The following KIFAP3 variants were observed in gnomAD, a reference collection of about 807,000 sequenced individuals.
The protein encoded by KIFAP3 is kinesin-associated protein 3.
Under a neutral mutation model 106.5 loss-of-function variants are expected in KIFAP3, and 68 were observed. That is an observed-to-expected ratio of 0.64 (90% CI 0.53 to 0.78). KIFAP3 has a LOEUF of 0.78. Among genes scored for constraint, KIFAP3 ranks in the 30% least tolerant of loss-of-function variants. KIFAP3 has a pLI of 0.00. For missense variants in KIFAP3, 780 were observed against 941.8 expected, an observed-to-expected ratio of 0.83 and a Z score of 2.25; for synonymous variants, 320 against 311.5, an observed-to-expected ratio of 1.03 and a Z score of -0.29.
chr1:170,049,026 C>T (rs1418505675), intron 2 of KIFAP3, among the ~76,000 whole-genome samples: 1 of 152,232 alleles, frequency 6.6e-6, no homozygotes, highest in Non-Finnish European at 1.5e-5. Context: ...CAAGTGGTCT[C>T]ACTCAGTGAG....
intron 10 of KIFAP3, among the ~76,000 whole-genome samples, chr1:170,008,812 T>A (rs556983265): frequency 5.9e-5 from 9 of 152,272 alleles, no homozygotes; most frequent in African/African-American, 2.2e-4. Context: ...TAAAGACACA[T>A]GCACACATAT....
intron 19 of KIFAP3, among the ~76,000 whole-genome samples, chr1:169,953,180 T>G (rs1664817295): frequency 6.6e-6 from 1 of 152,124 alleles, no homozygotes; most frequent in South Asian, 2.1e-4. Context: ...AAAAATCTAT[T>G]ATATTATTAT....
chr1:169,923,700 T>C (rs1222663094), intron 19 of KIFAP3, among the ~76,000 whole-genome samples: 7 of 152,330 alleles, frequency 4.6e-5, no homozygotes, highest in Non-Finnish European at 2.9e-5. Flanking sequence ...TGAGGAAACA[T>C]GCAAAGGCAC....
chr1:169,952,939 T>A (rs1331830060), intron 19 of KIFAP3, among the ~76,000 whole-genome samples: 2 of 152,080 alleles, frequency 1.3e-5, no homozygotes, highest in Non-Finnish European at 2.9e-5. Context: ...AAAAAATACG[T>A]GAACATATCT....
At chr1:170,035,881 T>C (rs939352932) in intron 5 of KIFAP3, among the ~76,000 whole-genome samples, 2 of 152,014 alleles carry the variant, frequency 1.3e-5, no homozygotes, top group African/African-American at 4.8e-5. Flanking sequence ...AGAACTGTAA[T>C]CTTCCTACTT....
intron 17 of KIFAP3, among the ~76,000 whole-genome samples, chr1:169,964,143 A>G (rs1265939184): frequency 6.6e-6 from 1 of 152,200 alleles, no homozygotes; most frequent in Non-Finnish European, 1.5e-5. Context: ...CCACCCAATC[A>G]CTGATCACAC....
At chr1:169,950,401 C>T (rs1366315884) in intron 19 of KIFAP3, among the ~76,000 whole-genome samples, 1 of 152,092 alleles carries the variant, frequency 6.6e-6, no homozygotes, top group African/African-American at 2.4e-5. Context: ...AAGTATTACT[C>T]TTTCTCCAGA....
intron 8 of KIFAP3, among the ~76,000 whole-genome samples, chr1:170,025,535 T>C (rs1281622793): frequency 6.6e-6 from 1 of 152,104 alleles, no homozygotes; most frequent in Admixed American, 6.5e-5. Context: ...ATATTAGAGA[T>C]GGAAAGTTAA....
chr1:169,931,067 G>C (rs1454860338), intron 19 of KIFAP3, among the ~76,000 whole-genome samples: 1 of 151,630 alleles, frequency 6.6e-6, no homozygotes, highest in Non-Finnish European at 1.5e-5. Context: ...TTACAGGCCC[G>C]TGCCACAATG....
intron 1 of KIFAP3, among the ~76,000 whole-genome samples, chr1:170,063,920 A>C (rs974516010): frequency 6.6e-6 from 1 of 152,214 alleles, no homozygotes; most frequent in African/African-American, 2.4e-5. Flanking sequence ...TTTAAGATTT[A>C]ATTTTCTTTT....
In KIFAP3 at chr1:169,982,677, C is replaced by A. The variant is rs765145918; in HGVS notation, c.1672+25G>T. On this transcript the variant is annotated intron_variant, in intron 14 of 19. Transcript: ENST00000361580. ...AGAAAGAAATAACTTAGTGATTATA[C>A]AAAAGTGAAATACTTAGCACAAACC... 6 of 1,477,066 alleles carry A rather than the reference C, an allele frequency of 4.1e-6. No homozygotes were observed. In the Admixed American group the frequency reaches 1.2e-4, roughly 29 times the overall value. 91.5% of individuals were successfully genotyped at this position (1,477,066 alleles called of 1,614,324 possible).
chr1:170,067,557 CACGTTCCCACTGTTAAT>C (rs1189440170), intron 1 of KIFAP3: 7 of 152,268 alleles, frequency 4.6e-5, no homozygotes, highest in Non-Finnish European at 1.5e-5. Context: ...GATGGCAGCC[CACGTTCCCACTGTTAAT>C]ACTTGGTTCT....
Position 169,990,130 on chromosome 1 carries a change from G to A in KIFAP3, c.1284+2025C>T, listed in dbSNP as rs1667023761. On this transcript the variant is annotated intron_variant, in intron 11 of 19. Transcript: ENST00000361580. ...AGAGCGATTTACTCTTCTCCAATCA[G>A]TGCATATTTACAAGAAGCACAGAGT... 3 of 1,497,640 alleles carry A rather than the reference G, an allele frequency of 2.0e-6. No homozygotes were observed. The South Asian group carries it at 3.7e-5, about 19-fold the overall frequency. The allele number at this position is 1,497,640 out of a possible 1,614,324, so 92.8% of individuals were successfully genotyped here. A position where few individuals can be genotyped will look rare whatever the true frequency, so the allele number is the denominator to read the frequency against.
chr1:170,062,399 A>G (rs565883123), intron 1 of KIFAP3, among the ~76,000 whole-genome samples: 7 of 152,002 alleles, frequency 4.6e-5, no homozygotes, highest in Admixed American at 3.9e-4. Context: ...TTTAAAAAAA[A>G]CAGACCCAAA....
intron 9 of KIFAP3, among the ~76,000 whole-genome samples, chr1:170,019,605 T>TA (rs1410012958): frequency 2.0e-5 from 3 of 152,102 alleles, no homozygotes; most frequent in Admixed American, 6.5e-5. Flanking sequence ...ATCTCAGTAA[T>TA]AGATACAGGA....
intron 18 of KIFAP3, among the ~76,000 whole-genome samples, chr1:169,958,748 C>G (rs1444161740): frequency 1.3e-5 from 2 of 152,058 alleles, no homozygotes; most frequent in Admixed American, 6.6e-5. Flanking sequence ...AGCAATACGG[C>G]TTTATAAATG....
rs1348714676 is a variant in KIFAP3 at position 170,024,552 on chromosome 1, C to T, written c.886G>A (p.Glu296Lys). ...ATGTTCTTGTTCCTCATTTTCAGTT[C>T]GGTACGAGTATCCTCAGCAAGATTC... ...LLNLAEDTRTELKMRNKNIVH... is the reference protein window; with the variant it reads ...LLNLAEDTRTKLKMRNKNIVH... The change falls in exon 9 of 20, where the codon GAA becomes AAA. Residue 296 changes from glutamate to lysine, a missense_variant. This residue lies in a region of KIFAP3 where 588 missense variants were observed against 678.9 expected (regional missense o/e 0.87). Coordinates refer to ENST00000361580, the MANE Select transcript of KIFAP3 (RefSeq NM_014970.4). 1.9e-6 allele frequency: 3 copies of T among 1,598,944 alleles called. No homozygotes were observed. The highest frequency in any genetic ancestry group is 1.1e-5 in the South Asian group (1 of 88,206).
At chr1:169,999,432 C>T (rs1346101668) in intron 10 of KIFAP3, among the ~76,000 whole-genome samples, 1 of 152,272 alleles carries the variant, frequency 6.6e-6, no homozygotes, top group African/African-American at 2.4e-5. Context: ...AGGCTGCCAA[C>T]AGTCAGCATG....
At chr1:170,022,739 G>C (rs899680550) in intron 9 of KIFAP3, among the ~76,000 whole-genome samples, 3 of 152,020 alleles carry the variant, frequency 2.0e-5, no homozygotes, top group Admixed American at 2.0e-4. Context: ...CTTAATCTTA[G>C]AATAACAAAC....
Sources: allele counts gnomAD v4.1 joint callset (sites outside exome capture counted in the v4.1 genomes callset), GRCh38; gene constraint gnomAD v4.1.1; regional missense constraint gnomAD v4.1.1; transcripts MANE v1.5; gene names NCBI Gene and HGNC (gene_info 2026-07-23, HGNC 2026-07-21).